The following ST6GALNAC3 variants were observed in gnomAD, a reference collection of about 807,000 sequenced individuals.
ST6GALNAC3 encodes the protein ST6 N-acetylgalactosaminide alpha-2,6-sialyltransferase 3.
Under a neutral mutation model 32.7 loss-of-function variants are expected in ST6GALNAC3, and 25 were observed. The ratio of observed to expected loss-of-function variants is 0.76; its 90% confidence interval spans 0.56 to 1.07. The LOEUF (loss-of-function observed/expected upper bound fraction) is 1.07. ST6GALNAC3 is among the 50% of genes least tolerant of loss of function. The pLI is 0.00. For synonymous variants in ST6GALNAC3, 129 were observed against 133.1 expected (o/e 0.97, Z 0.21); for missense variants, 355 against 382.4 (o/e 0.93, Z 0.60).
chr1:76,421,856 G>A (rs7534314), intron 3 of ST6GALNAC3, among the ~76,000 whole-genome samples: 18,296 of 151,810 alleles, frequency 0.12, 1,380 homozygotes, highest in South Asian at 0.35. Context: ...TCAAAATCCT[G>A]CAATAGTCCT....
intron 3 of ST6GALNAC3, among the ~76,000 whole-genome samples, chr1:76,471,284 T>A (rs1659010026): frequency 6.6e-6 from 1 of 152,110 alleles, no homozygotes; most frequent in Non-Finnish European, 1.5e-5. Flanking sequence ...CACCCACTGA[T>A]TTCCTTCATC....
intron 1 of ST6GALNAC3, among the ~76,000 whole-genome samples, chr1:76,151,599 A>AGCTCAGTTC (rs1196656032): frequency 6.6e-6 from 1 of 152,218 alleles, no homozygotes; most frequent in Non-Finnish European, 1.5e-5. Flanking sequence ...GGACAGCTGC[A>AGCTCAGTTC]GCTCAGTTCC....
At chr1:76,202,355 A>G (rs1654577512) in intron 1 of ST6GALNAC3, among the ~76,000 whole-genome samples, 1 of 151,914 alleles carries the variant, frequency 6.6e-6, no homozygotes, top group South Asian at 2.1e-4. Context: ...TAAATTCAAC[A>G]CAAGTATTTA....
chr1:76,548,825 T>G (rs1664449641), intron 3 of ST6GALNAC3, among the ~76,000 whole-genome samples: 1 of 152,176 alleles, frequency 6.6e-6, no homozygotes, highest in South Asian at 2.1e-4. Flanking sequence ...TTTCTCTTCA[T>G]GGCATTTACC....
At chr1:76,423,886 A>G (rs1307053001) in intron 3 of ST6GALNAC3, among the ~76,000 whole-genome samples, 5 of 151,988 alleles carry the variant, frequency 3.3e-5, no homozygotes, top group Non-Finnish European at 7.4e-5. Context: ...TTGTCAATCT[A>G]TCTTAATTCT....
At position 76,632,630 on chromosome 1, in the gene ST6GALNAC3, T is replaced by C. The variant is rs1206026957; in HGVS notation, c.*3824T>C. 1.3e-5 allele frequency: 2 copies of C among 152,070 alleles called. No individual in the cohort carries two copies. Among genetic ancestry groups the C allele is most frequent in the African/African-American group, 2.4e-5 (1 of 41,420 alleles). 9.4% of individuals were successfully genotyped at this position (152,070 alleles called of 1,614,324 possible). A position where few individuals can be genotyped will look rare whatever the true frequency, so the allele number is the denominator to read the frequency against. On this transcript the variant is annotated 3_prime_UTR_variant, in exon 5 of 5. Coordinates refer to ENST00000328299, the MANE Select transcript of ST6GALNAC3 (RefSeq NM_152996.4). ...GCTGAGGTAGGAACAAGAGTCTGAA[T>C]TGGGGACCTGCTGACCTTCCAAGAA...
intron 3 of ST6GALNAC3, among the ~76,000 whole-genome samples, chr1:76,574,944 A>G (rs1025589735): frequency 1.3e-5 from 2 of 152,090 alleles, no homozygotes; most frequent in African/African-American, 4.8e-5. Flanking sequence ...GCTAAGGCAA[A>G]GAAGTTGACC....
intron 1 of ST6GALNAC3, among the ~76,000 whole-genome samples, chr1:76,187,062 T>C (rs940277852): frequency 6.6e-6 from 1 of 152,210 alleles, no homozygotes; most frequent in Non-Finnish European, 1.5e-5. Flanking sequence ...TTTCAACCTC[T>C]TGTTACTGTG....
intron 1 of ST6GALNAC3, among the ~76,000 whole-genome samples, chr1:76,075,412 C>A (rs776419004): frequency 2.6e-5 from 4 of 152,208 alleles, no homozygotes; most frequent in Non-Finnish European, 4.4e-5. Flanking sequence ...GATCTGCTAG[C>A]TCTGTTTGCC....
At chr1:76,171,211 T>G (rs1330413139) in intron 1 of ST6GALNAC3, among the ~76,000 whole-genome samples, 3 of 152,054 alleles carry the variant, frequency 2.0e-5, no homozygotes, top group Non-Finnish European at 4.4e-5. Flanking sequence ...GACAGCTACC[T>G]CCCACACCCT....
intron 3 of ST6GALNAC3, among the ~76,000 whole-genome samples, chr1:76,455,326 G>A (rs1487406571): frequency 6.6e-6 from 1 of 151,808 alleles, no homozygotes; most frequent in Non-Finnish European, 1.5e-5. Context: ...ATCATCTTCT[G>A]CTGCTGATTC....
At position 76,630,842 on chromosome 1, in the gene ST6GALNAC3, T is replaced by C. The variant is rs1649261307; in HGVS notation, c.*2036T>C. ...TTTTTGAGCTAATGATAGATAGAAA[T>C]GCCCACTCAAAGAAAAATAAACAGA... On this transcript the variant is annotated 3_prime_UTR_variant, in exon 5 of 5. Coordinates refer to ENST00000328299, the MANE Select transcript of ST6GALNAC3 (RefSeq NM_152996.4). 6.1e-6 allele frequency: 6 copies of C among 985,640 alleles called. No individual in the cohort carries two copies. In the South Asian group the frequency reaches 2.3e-4, roughly 39 times the overall value. The allele number at this position is 985,640 out of a possible 1,614,324, so 61.1% of individuals were successfully genotyped here. A position where few individuals can be genotyped will look rare whatever the true frequency, so the allele number is the denominator to read the frequency against.
At chr1:76,489,423 A>C (rs1660347637) in intron 3 of ST6GALNAC3, among the ~76,000 whole-genome samples, 1 of 152,016 alleles carries the variant, frequency 6.6e-6, no homozygotes, top group African/African-American at 2.4e-5. Context: ...TAAATATTTT[A>C]GGAGAGTTCT....
At position 76,122,799 on chromosome 1, in the gene ST6GALNAC3, C is replaced by T. The variant is rs116657945; in HGVS notation, c.18+47915C>T. On this transcript the variant is annotated intron_variant, in intron 1 of 4. Coordinates refer to ENST00000328299, the MANE Select transcript of ST6GALNAC3 (RefSeq NM_152996.4). ...CGTGAGCTCCAGGAACAGGTAGCAT[C>T]ATTTCCATCAGCTCAGCCAGACTCT... Among the ~76,000 whole-genome samples the T allele has an allele frequency of 7.8e-3, 1,184 of 152,288 alleles. 17 individuals carry two copies. The highest frequency in any genetic ancestry group is 0.027 in the African/African-American group (1,134 of 41,546).
chr1:76,321,195 T>C (rs1646961063), intron 2 of ST6GALNAC3, among the ~76,000 whole-genome samples: 1 of 152,076 alleles, frequency 6.6e-6, no homozygotes, highest in African/African-American at 2.4e-5. Flanking sequence ...TCAAATTTTA[T>C]TATGTTTTTC....
At chr1:76,310,404 T>A (rs573152462) in intron 1 of ST6GALNAC3, among the ~76,000 whole-genome samples, 172 of 152,016 alleles carry the variant, frequency 1.1e-3, no homozygotes, top group Non-Finnish European at 2.3e-3. Flanking sequence ...GCTGTGGTAG[T>A]TAGTGGTGAG....
At chr1:76,343,314 C>T (rs1648216514) in intron 2 of ST6GALNAC3, among the ~76,000 whole-genome samples, 1 of 152,086 alleles carries the variant, frequency 6.6e-6, no homozygotes, top group Non-Finnish European at 1.5e-5. Flanking sequence ...GGAAAATAGA[C>T]ATCTTTAGCA....
chr1:76,415,072 C>T (rs1321762551), intron 3 of ST6GALNAC3, among the ~76,000 whole-genome samples: 1 of 151,298 alleles, frequency 6.6e-6, no homozygotes, highest in Admixed American at 6.6e-5. Context: ...ATTAGTCGTA[C>T]AGAGTTTTCC....
intron 3 of ST6GALNAC3, among the ~76,000 whole-genome samples, chr1:76,445,666 G>C (rs1404314595): frequency 6.6e-6 from 1 of 152,010 alleles, no homozygotes; most frequent in Non-Finnish European, 1.5e-5. Flanking sequence ...GGTATCTGAT[G>C]GCTGCGTAGT....
Sources: gnomAD v4.1 joint callset for allele counts (sites outside exome capture counted in the v4.1 genomes callset) on GRCh38, gnomAD v4.1.1 for gene constraint, MANE v1.5 for transcripts, NCBI Gene and HGNC (gene_info 2026-07-23, HGNC 2026-07-21) for gene names.